The following CHD6 variants were observed in gnomAD, a reference collection of about 807,000 sequenced individuals.
CHD6 encodes chromodomain helicase DNA binding protein 6, also known as ATP-dependent chromatin remodeler CHD6.
A neutral mutation model predicts 276.9 loss-of-function variants in CHD6; 50 were observed. The ratio of observed to expected loss-of-function variants is 0.18; its 90% confidence interval spans 0.14 to 0.23. The LOEUF (loss-of-function observed/expected upper bound fraction) is 0.23, where lower values mean the gene tolerates loss of function less well. Ranked by LOEUF, CHD6 falls within the 10% of genes least tolerant of loss-of-function variation. The probability of loss-of-function intolerance (pLI) is 1.00; values close to 1 mark genes in which losing one functional copy is unlikely to be tolerated. For synonymous variants in CHD6, 1,173 were observed against 1,229.3 expected (o/e 0.95, Z 0.96); for missense variants, 2,564 against 3,365.8 (o/e 0.76, Z 5.89).
At chr20:41,448,257 C>A (rs989922061) in intron 23 of CHD6, among the ~76,000 whole-genome samples, 1 of 152,210 alleles carries the variant, frequency 6.6e-6, no homozygotes, top group Non-Finnish European at 1.5e-5. Context: ...GTACTCACCC[C>A]TTCCATGTGG....
chr20:41,530,846 G>A (rs1052589577), intron 3 of CHD6, among the ~76,000 whole-genome samples: 11 of 152,152 alleles, frequency 7.2e-5, no homozygotes, highest in African/African-American at 2.4e-4. Flanking sequence ...CTAATAGGGT[G>A]TCTCTTGGAC....
chr20:41,493,079 T>C (rs1308364593), intron 10 of CHD6, among the ~76,000 whole-genome samples: 1 of 152,134 alleles, frequency 6.6e-6, no homozygotes, highest in East Asian at 1.9e-4. Flanking sequence ...AAACCTATGT[T>C]CTCTCTGTGG....
chr20:41,454,530 A>G, intron 20 of CHD6, 96 bp downstream of exon 20: 1 of 899,304 alleles, frequency 1.1e-6, no homozygotes, highest in Non-Finnish European at 1.8e-6. Flanking sequence ...AAGAACCAAG[A>G]CTCAAGAGTA....
chr20:41,600,925 T>C (rs2045767164), intron 1 of CHD6, among the ~76,000 whole-genome samples: 1 of 152,166 alleles, frequency 6.6e-6, no homozygotes, highest in South Asian at 2.1e-4. Flanking sequence ...TGTTGAGGCA[T>C]AGGATCCCAA....
intron 16 of CHD6, among the ~76,000 whole-genome samples, chr20:41,480,188 A>C (rs932924009): frequency 6.6e-6 from 1 of 152,216 alleles, no homozygotes; most frequent in African/African-American, 2.4e-5. Flanking sequence ...AGGAAAAAAA[A>C]GAAAGCTGTC....
chr20:41,578,428 G>A lies in CHD6; in HGVS notation c.-23-27068C>T, dbSNP rs370503345. 3.4e-4 allele frequency among the ~76,000 whole-genome samples: 51 copies of A among 152,124 alleles called. 1 individual carries two copies. In the East Asian group the frequency reaches 5.4e-3, roughly 16 times the overall value. On this transcript the variant is annotated intron_variant, in intron 1 of 36. Coordinates refer to ENST00000373233, the MANE Select transcript of CHD6 (RefSeq NM_032221.5). ...AAAAGTTTTTTAATAAAAAATTTCCGTGTTACTTATTAACAAGATGAAAGT... is the reference window on the plus strand; with the variant it reads ...AAAAGTTTTTTAATAAAAAATTTCCATGTTACTTATTAACAAGATGAAAGT...
intron 2 of CHD6, among the ~76,000 whole-genome samples, chr20:41,542,528 T>TA (rs1210816822): frequency 1.3e-5 from 2 of 150,848 alleles, no homozygotes; most frequent in African/African-American, 4.9e-5. Flanking sequence ...CCGTCTCTAC[T>TA]AAAAAATACA....
chr20:41,521,802 G>T (rs536937782), intron 3 of CHD6, among the ~76,000 whole-genome samples: 7 of 152,270 alleles, frequency 4.6e-5, no homozygotes, highest in African/African-American at 1.7e-4. Context: ...GAAAGTAAGA[G>T]GGTGTTTAGA....
chr20:41,536,748 T>G (rs2044840502), intron 2 of CHD6, among the ~76,000 whole-genome samples: 3 of 152,224 alleles, frequency 2.0e-5, no homozygotes, highest in Non-Finnish European at 4.4e-5. Flanking sequence ...TTTTTTGTTT[T>G]GGGTCAGGAA....
chr20:41,405,851 T>C (rs778123630), intron 36 of CHD6, among the ~76,000 whole-genome samples: 7 of 152,188 alleles, frequency 4.6e-5, no homozygotes, highest in Non-Finnish European at 8.8e-5. Flanking sequence ...GAGACTGTTA[T>C]GGCTGAGACC....
intron 2 of CHD6, among the ~76,000 whole-genome samples, chr20:41,539,905 C>T (rs2044908983): frequency 1.3e-5 from 2 of 152,140 alleles, no homozygotes; most frequent in Admixed American, 1.3e-4. Context: ...TGAAACATGT[C>T]TACATTTGGG....
At chr20:41,459,682 G>T (rs186491006) in intron 17 of CHD6, among the ~76,000 whole-genome samples, 8 of 152,104 alleles carry the variant, frequency 5.3e-5, no homozygotes, top group African/African-American at 1.7e-4. Flanking sequence ...ACAGCCTTTC[G>T]CCTCTTGCCA....
Position 41,403,099 on chromosome 20 carries a change from T to G in CHD6, c.*1494A>C, listed in dbSNP as rs2046576283. Reference sequence around the variant, plus strand: ...AAGACAATGAAAAAAGCATCATAAATAAATAATGCAAAATGAAATAGTTAT... The same window carrying G: ...AAGACAATGAAAAAAGCATCATAAAGAAATAATGCAAAATGAAATAGTTAT... On this transcript the variant is annotated 3_prime_UTR_variant, in exon 37 of 37. Transcript: ENST00000373233. 4.2e-6 allele frequency: 1 copy of G among 237,992 alleles called. No individual in the cohort carries two copies. The highest frequency in any genetic ancestry group is 1.7e-4 in the South Asian group (1 of 5,788). 14.7% of individuals were successfully genotyped at this position (237,992 alleles called of 1,614,324 possible). A position where few individuals can be genotyped will look rare whatever the true frequency, so the allele number is the denominator to read the frequency against.
chr20:41,502,763 T>C (rs1354107578), intron 5 of CHD6, among the ~76,000 whole-genome samples: 2 of 152,196 alleles, frequency 1.3e-5, no homozygotes, highest in African/African-American at 2.4e-5. Flanking sequence ...CCCAGCACTT[T>C]GGGAGGTCGA....
chr20:41,405,211 C>T lies in CHD6; in HGVS notation c.7530G>A (p.Glu2510=). The change falls in exon 37 of 37, where the codon GAG becomes GAA. Residue 2510 remains glutamate (E), a synonymous_variant. Coordinates refer to ENST00000373233, the MANE Select transcript of CHD6 (RefSeq NM_032221.5). The stretch of plus-strand genomic sequence containing the variant: ...GCAGCATGCTCAGGGTACTTTTGAC[C>T]TCTTCACCTGTTGGCATCGTGGCAA... The part of the protein sequence containing the change: ...AGFATMPTGE[E]VKSTLSMLPM... 1 of 1,614,226 alleles carries T rather than the reference C, an allele frequency of 6.2e-7. No individual in the cohort carries two copies.
At chr20:41,454,497 T>C in intron 20 of CHD6, 129 bp downstream of exon 20, 1 of 659,144 alleles carries the variant, frequency 1.5e-6, no homozygotes, top group East Asian at 2.7e-5. Flanking sequence ...AGGCATATTT[T>C]AAGCATGGTA....
chr20:41,548,747 T>C (rs904759495), intron 2 of CHD6, among the ~76,000 whole-genome samples: 6 of 152,148 alleles, frequency 3.9e-5, no homozygotes, highest in African/African-American at 1.4e-4. Flanking sequence ...CCTACTCATC[T>C]GACAAAGGGC....
At chr20:41,570,682 A>G (rs965623802) in intron 1 of CHD6, among the ~76,000 whole-genome samples, 1 of 152,234 alleles carries the variant, frequency 6.6e-6, no homozygotes, top group Non-Finnish European at 1.5e-5. Context: ...AGCTATTGAA[A>G]GCACAAAACA....
intron 2 of CHD6, among the ~76,000 whole-genome samples, chr20:41,536,679 CA>C (rs1217736980): frequency 1.3e-5 from 2 of 152,124 alleles, no homozygotes; most frequent in African/African-American, 4.8e-5. Context: ...ACTCAGGCAA[CA>C]AAAACCATTA....
Sources: allele counts gnomAD v4.1 joint callset (sites outside exome capture counted in the v4.1 genomes callset), GRCh38; gene constraint gnomAD v4.1.1; transcripts MANE v1.5; gene names NCBI Gene and HGNC (gene_info 2026-07-23, HGNC 2026-07-21).